Variants in IL1RAPL2 observed in about 807,000 individuals in gnomAD.
The protein encoded by IL1RAPL2 is X-linked interleukin-1 receptor accessory protein-like 2.
IL1RAPL2 carries 3 observed loss-of-function variants against 44.1 expected under a neutral mutation model. That is an observed-to-expected ratio of 0.07 (90% CI 0.03 to 0.18). IL1RAPL2 has a LOEUF of 0.18. IL1RAPL2 is among the 10% of genes least tolerant of loss of function. The probability of loss-of-function intolerance (pLI) is 1.00; values close to 1 mark genes in which losing one functional copy is unlikely to be tolerated. For missense variants in IL1RAPL2, 391 were observed against 496.4 expected (o/e 0.79, Z 2.02); for synonymous variants, 181 against 178.8 (o/e 1.01, Z -0.10).
chrX:105,145,426 C>T (rs948967342), intron 2 of IL1RAPL2, among the ~76,000 whole-genome samples: 16 of 111,422 alleles, frequency 1.4e-4, no homozygotes, highest in African/African-American at 5.2e-4. Flanking sequence ...CCCCTGCAAT[C>T]GGTAGTTGAG....
At chrX:104,908,555 A>G (rs1478185397) in intron 2 of IL1RAPL2, among the ~76,000 whole-genome samples, 2 of 110,528 alleles carry the variant, frequency 1.8e-5, no homozygotes, top group Non-Finnish European at 1.9e-5. Context: ...TTTCTCCTTC[A>G]CTTATGAAGC....
At chrX:105,495,343 G>C (rs2036349522) in intron 6 of IL1RAPL2, among the ~76,000 whole-genome samples, 2 of 111,932 alleles carry the variant, frequency 1.8e-5, no homozygotes, top group Admixed American at 1.9e-4. Context: ...CTAATGAAAA[G>C]TCTAGTCTTT....
intron 1 of IL1RAPL2, among the ~76,000 whole-genome samples, chrX:104,582,822 C>CTTTCTCTTTCTCTCTTTCTT (rs748809592): frequency 2.5e-5 from 1 of 40,663 alleles, no homozygotes; most frequent in African/African-American, 1.1e-4. Flanking sequence ...TCCTTTCTTT[C>CTTTCTCTTTCTCTCTTTCTT]TCTTTCTTTC....
intron 5 of IL1RAPL2, among the ~76,000 whole-genome samples, chrX:105,423,713 C>T (rs913074149): frequency 2.7e-5 from 3 of 111,231 alleles, no homozygotes; most frequent in African/African-American, 9.8e-5. Context: ...GGATGGTTCT[C>T]AGGCTGAAGA....
chrX:105,125,953 C>T (rs914277244), intron 2 of IL1RAPL2, among the ~76,000 whole-genome samples: 1 of 110,878 alleles, frequency 9.0e-6, no homozygotes, highest in Non-Finnish European at 1.9e-5. Context: ...AAAAATAGTC[C>T]TAGAAAATAG....
At chrX:105,291,186 T>C (rs754079066) in intron 5 of IL1RAPL2, among the ~76,000 whole-genome samples, 137 of 112,400 alleles carry the variant, frequency 1.2e-3, no homozygotes, top group Admixed American at 5.8e-3. Flanking sequence ...TTTTGTGCTT[T>C]GTAAAACAGA....
At chrX:105,361,537 G>A (rs2035247668) in intron 5 of IL1RAPL2, among the ~76,000 whole-genome samples, 1 of 111,412 alleles carries the variant, frequency 9.0e-6, no homozygotes, top group African/African-American at 3.3e-5. Context: ...ATAAGATAAG[G>A]TCAAGTTTGG....
chrX:105,006,212 G>A (rs1363521982), intron 2 of IL1RAPL2, among the ~76,000 whole-genome samples: 1 of 110,080 alleles, frequency 9.1e-6, no homozygotes, highest in African/African-American at 3.3e-5. Context: ...TCCCCTCCTC[G>A]TGGGTATTTG....
At chrX:105,529,340 A>G (rs913257327) in intron 6 of IL1RAPL2, among the ~76,000 whole-genome samples, 3 of 111,403 alleles carry the variant, frequency 2.7e-5, no homozygotes, top group African/African-American at 9.8e-5. Context: ...TCTGTTGGCA[A>G]TGCTTTGAGA....
intron 7 of IL1RAPL2, among the ~76,000 whole-genome samples, chrX:105,737,366 A>G (rs2038459105): frequency 9.0e-6 from 1 of 111,451 alleles, no homozygotes; most frequent in East Asian, 2.8e-4. Context: ...TAAAATTAAA[A>G]ATAATATATT....
chrX:105,266,040 A>C (rs986386162), intron 4 of IL1RAPL2, among the ~76,000 whole-genome samples: 13 of 102,889 alleles, frequency 1.3e-4, no homozygotes, highest in African/African-American at 5.5e-4. Flanking sequence ...TTACATGATA[A>C]AATACTTTTT....
chrX:105,610,668 A>G (rs1269975154), intron 6 of IL1RAPL2, among the ~76,000 whole-genome samples: 1 of 111,940 alleles, frequency 8.9e-6, no homozygotes, highest in Non-Finnish European at 1.9e-5. Flanking sequence ...CCATCGTAAA[A>G]TCATAGCATA....
At chrX:104,839,957 CTTCT>C (rs753011690) in intron 2 of IL1RAPL2, among the ~76,000 whole-genome samples, 29 of 111,390 alleles carry the variant, frequency 2.6e-4, no homozygotes, top group African/African-American at 7.8e-4. Context: ...TCTCTCTTTT[CTTCT>C]TTATTAGTCT....
At chrX:104,779,185 A>C (rs1448096285) in intron 2 of IL1RAPL2, among the ~76,000 whole-genome samples, 1 of 112,440 alleles carries the variant, frequency 8.9e-6, no homozygotes. Context: ...TAATAGATAG[A>C]AATGTGTTTT....
intron 2 of IL1RAPL2, among the ~76,000 whole-genome samples, chrX:104,810,869 T>C (rs964833311): frequency 8.9e-6 from 1 of 112,521 alleles, no homozygotes; most frequent in Non-Finnish European, 1.9e-5. Context: ...TGCATAGCAG[T>C]TCTTCCCTTA....
chrX:105,601,348 G>A (rs1442720129), intron 6 of IL1RAPL2, among the ~76,000 whole-genome samples: 1 of 111,089 alleles, frequency 9.0e-6, no homozygotes, highest in African/African-American at 3.3e-5. Flanking sequence ...ACCAAAACAA[G>A]TAGATAACAG....
At chrX:105,665,753 T>TTGTTG (rs1556377998) in intron 6 of IL1RAPL2, among the ~76,000 whole-genome samples, 4 of 69,306 alleles carry the variant, frequency 5.8e-5, no homozygotes, top group African/African-American at 5.6e-5. Context: ...TTTTTTTTTT[T>TTGTTG]TTGTTGTTGT....
chrX:105,342,850 C>G (rs2035081933), intron 5 of IL1RAPL2, among the ~76,000 whole-genome samples: 2 of 111,276 alleles, frequency 1.8e-5, no homozygotes, highest in Non-Finnish European at 3.8e-5. Context: ...AGTCAGGAGG[C>G]CCTGGCAATT....
Position 105,735,286 on chromosome X carries a change from T to TTAC in IL1RAPL2, c.903-5256_903-5254dup, listed in dbSNP as rs2038438545. ...AATGTTAATATTTAGACCCCTCTGGTTACTACCCCTCCCTCACTTGCCATG... is the reference window on the plus strand; with the variant it reads ...AATGTTAATATTTAGACCCCTCTGGTTACTACTACCCCTCCCTCACTTGCCATG... On this transcript the variant is annotated intron_variant, in intron 7 of 10. Coordinates refer to ENST00000372582, the MANE Select transcript of IL1RAPL2 (RefSeq NM_017416.2). Among the ~76,000 whole-genome samples the TTAC allele has an allele frequency of 3.6e-5, 4 of 111,109 alleles. No homozygotes were observed. In the South Asian group the frequency reaches 1.5e-3, roughly 43 times the overall value.
Sources: allele counts gnomAD v4.1 joint callset (sites outside exome capture counted in the v4.1 genomes callset), GRCh38; gene constraint gnomAD v4.1.1; transcripts MANE v1.5; gene names NCBI Gene and HGNC (gene_info 2026-07-23, HGNC 2026-07-21).